BCAR1: variants seen among roughly 807,000 people sequenced by gnomAD.
BCAR1 encodes the protein breast cancer anti-estrogen resistance protein 1.
Under a neutral mutation model 67.6 loss-of-function variants are expected in BCAR1, and 30 were observed. The observed-to-expected ratio is 0.44, with a 90% CI of 0.33 to 0.60. BCAR1 has a LOEUF of 0.60. BCAR1 is among the 20% of genes least tolerant of loss of function. The pLI is 0.02. For missense variants in BCAR1, 1,313 were observed against 1,222.3 expected (o/e 1.07, Z -1.11); for synonymous variants, 626 against 556.7 (o/e 1.12, Z -1.75).
At chr16:75,243,452 C>A (rs1209832075) in intron 1 of BCAR1, 3 of 562,464 alleles carry the variant, frequency 5.3e-6, no homozygotes, top group Non-Finnish European at 6.9e-6. Flanking sequence ...ACAAAGCTGC[C>A]AAGTTAAAAC....
In BCAR1 at chr16:75,229,376, G is replaced by A; in HGVS notation, c.*135C>T. 3.1e-6 allele frequency: 4 copies of A among 1,295,786 alleles called. No individual in the cohort carries two copies. The highest frequency in any genetic ancestry group is 3.2e-5 in the South Asian group (2 of 63,186). The allele number at this position is 1,295,786 out of a possible 1,614,324, so 80.3% of individuals were successfully genotyped here. A position where few individuals can be genotyped will look rare whatever the true frequency, so the allele number is the denominator to read the frequency against. The stretch of plus-strand genomic sequence containing the variant: ...GGCCATAAATATATACAGATTCCTG[G>A]GCATCCAGGGCACCAGGACCGACGC... On this transcript the variant is annotated 3_prime_UTR_variant, in exon 7 of 7. Coordinates refer to ENST00000162330, the MANE Select transcript of BCAR1 (RefSeq NM_014567.5).
intron 4 of BCAR1, chr16:75,236,606 C>A (rs570119679): frequency 3.8e-6 from 2 of 519,796 alleles, no homozygotes; most frequent in South Asian, 4.6e-5. Flanking sequence ...TGGAAGTATC[C>A]CAGGTGAGAT....
Position 75,234,073 on chromosome 16 carries a change from GCA to G in BCAR1, c.2011-140_2011-139del, listed in dbSNP as rs542118792. The G allele has an allele frequency of 1.6e-3, 1,119 of 707,552 alleles. 3 individuals are homozygous for G. Among genetic ancestry groups the G allele is most frequent in the African/African-American group, 4.3e-3 (239 of 56,078 alleles). 43.8% of individuals were successfully genotyped at this position (707,552 alleles called of 1,614,324 possible). A position where few individuals can be genotyped will look rare whatever the true frequency, so the allele number is the denominator to read the frequency against. On this transcript the variant is annotated intron_variant, in intron 5 of 6. Coordinates refer to ENST00000162330, the MANE Select transcript of BCAR1 (RefSeq NM_014567.5). ...CGCGCACACACACGCACACGTGGAC[GCA>G]CACACACACTAGCACACGTGGACAC...
Position 75,229,630 on chromosome 16 carries a change from C to A in BCAR1, c.2494G>T (p.Ala832Ser), listed in dbSNP as rs2076821235. The A allele has an allele frequency of 2.5e-6, 4 of 1,612,654 alleles. No homozygotes were observed. In the South Asian group the frequency reaches 4.4e-5, roughly 18 times the overall value. Residue 832 changes from alanine (A) to serine (S), a missense_variant, in exon 7 of 7, where the codon GCC becomes TCC. By Grantham distance (99) the Ala-to-Ser change is moderately conservative (BLOSUM62 1). Around this residue, in one of 2 missense-constraint regions of BCAR1, gnomAD observed 1,272 missense variants for 1,137.5 expected, o/e 1.12. Coordinates refer to ENST00000162330, the MANE Select transcript of BCAR1 (RefSeq NM_014567.5). ...GGCGATGGGTACTGCAAGGCAGCGG[C>A]CTTGGTGGTGGCCACGATGCCGCGC... Reference protein sequence around the residue: ...LLRGIVATTKAAALQYPSPSA... With the variant: ...LLRGIVATTKSAALQYPSPSA...
Position 75,235,717 on chromosome 16 carries a change from C to A in BCAR1, c.1182G>T (p.Val394=). Residue 394 remains valine, a synonymous_variant, in exon 5 of 7, where the codon GTG becomes GTT. Coordinates refer to ENST00000162330, the MANE Select transcript of BCAR1 (RefSeq NM_014567.5). ...CACCATCAGCCACCTCAGGAGGAAGCACCCGTTCACGGGGCACATCGTACA... is the reference window on the plus strand; with the variant it reads ...CACCATCAGCCACCTCAGGAGGAAGAACCCGTTCACGGGGCACATCGTACA... ...GTLYDVPRER[V]LPPEVADGGV... 1 of 1,608,328 alleles carries A rather than the reference C, an allele frequency of 6.2e-7. No individual in the cohort carries two copies.
intron 1 of BCAR1, among the ~76,000 whole-genome samples, chr16:75,263,080 G>A (rs1302995719): frequency 6.6e-6 from 1 of 152,218 alleles, no homozygotes; most frequent in Non-Finnish European, 1.5e-5. Context: ...GGCCTGTGAG[G>A]TCCTGAGCCC....
At chr16:75,240,945 C>T (rs934870059) in intron 2 of BCAR1, among the ~76,000 whole-genome samples, 10 of 152,364 alleles carry the variant, frequency 6.6e-5, no homozygotes, top group South Asian at 2.1e-4. Flanking sequence ...CTGGGGGTCT[C>T]GCTGCTGCTC....
In BCAR1 at chr16:75,229,356, T is replaced by C. The variant is rs536015678; in HGVS notation, c.*155A>G. 4.3e-5 allele frequency: 53 copies of C among 1,219,734 alleles called. No individual in the cohort carries two copies. The highest frequency in any genetic ancestry group is 2.4e-4 in the East Asian group (9 of 37,794). The allele number at this position is 1,219,734 out of a possible 1,614,324, so 75.6% of individuals were successfully genotyped here. A position where few individuals can be genotyped will look rare whatever the true frequency, so the allele number is the denominator to read the frequency against. ...CATGGCCCCACACCCTGCCCGGCCA[T>C]AAATATATACAGATTCCTGGGCATC... On this transcript the variant is annotated 3_prime_UTR_variant, in exon 7 of 7. Coordinates refer to ENST00000162330, the MANE Select transcript of BCAR1 (RefSeq NM_014567.5).
chr16:75,252,819 A>T (rs1199999362), upstream of BCAR1, among the ~76,000 whole-genome samples: 7 of 152,284 alleles, frequency 4.6e-5, 1 homozygote, highest in South Asian at 8.3e-4. Context: ...CAGATGTGCC[A>T]CCTTGGCAGG....
chr16:75,229,369 A>T lies in BCAR1; in HGVS notation c.*142T>A. 1 of 1,280,296 alleles carries T rather than the reference A, an allele frequency of 7.8e-7. No homozygotes were observed. The highest frequency in any genetic ancestry group is 1.0e-6 in the Non-Finnish European group (1 of 961,212). The allele number at this position is 1,280,296 out of a possible 1,614,324, so 79.3% of individuals were successfully genotyped here. On this transcript the variant is annotated 3_prime_UTR_variant, in exon 7 of 7. Coordinates refer to ENST00000162330, the MANE Select transcript of BCAR1 (RefSeq NM_014567.5). Reference sequence around the variant, plus strand: ...CCTGCCCGGCCATAAATATATACAGATTCCTGGGCATCCAGGGCACCAGGA... The same window carrying T: ...CCTGCCCGGCCATAAATATATACAGTTTCCTGGGCATCCAGGGCACCAGGA...
chr16:75,230,650 T>C (rs2076871650), intron 6 of BCAR1, among the ~76,000 whole-genome samples: 1 of 152,184 alleles, frequency 6.6e-6, no homozygotes, highest in Non-Finnish European at 1.5e-5. Context: ...GGGGACAATG[T>C]GTCCTCACTA....
rs923927024 is a variant in BCAR1 at position 75,229,695 on chromosome 16, C to T, written c.2429G>A (p.Ser810Asn). 2.5e-5 allele frequency: 40 copies of T among 1,612,748 alleles called. No homozygotes were observed. Among genetic ancestry groups the T allele is most frequent in the Non-Finnish European group, 3.1e-5 (36 of 1,179,894 alleles). ...SRQAKAADVR[S>N]QVTHYSNLLC... ...CAGGTTGCTGTAGTGGGTCACCTGG[C>T]TGCGCACGTCAGCAGCCTTGGCCTG... The change falls in exon 7 of 7, where the codon AGC becomes AAC. Residue 810 changes from serine to asparagine, a missense_variant. Physicochemically the swap from Ser to Asn is conservative, Grantham distance 46. Coordinates refer to ENST00000162330, the MANE Select transcript of BCAR1 (RefSeq NM_014567.5).
chr16:75,243,386 C>T, intron 1 of BCAR1: 5 of 611,452 alleles, frequency 8.2e-6, no homozygotes, highest in South Asian at 7.6e-5. Context: ...CCTAAAAGCC[C>T]CACCCAAGGC....
intron 1 of BCAR1, among the ~76,000 whole-genome samples, chr16:75,243,742 C>T (rs1357463038): frequency 2.6e-5 from 4 of 152,190 alleles, no homozygotes; most frequent in African/African-American, 7.2e-5. Flanking sequence ...CCAAGCAGTC[C>T]GAGAGGGACT....
At chr16:75,243,888 G>A (rs554278505) in intron 1 of BCAR1, among the ~76,000 whole-genome samples, 1 of 152,370 alleles carries the variant, frequency 6.6e-6, no homozygotes, top group Non-Finnish European at 1.5e-5. Flanking sequence ...CCCTGCCGCT[G>A]CTGCCCCATC....
upstream of BCAR1, among the ~76,000 whole-genome samples, chr16:75,255,330 G>C (rs1182807304): frequency 1.3e-5 from 2 of 152,140 alleles, no homozygotes; most frequent in African/African-American, 4.8e-5. Context: ...TGAGGCCGGA[G>C]GTGAGCACTG....
intron 1 of BCAR1, chr16:75,246,025 G>A (rs555198679): frequency 2.5e-5 from 3 of 118,462 alleles, no homozygotes; most frequent in African/African-American, 9.6e-5. Flanking sequence ...GCCCAGTAGC[G>A]CGATCATGGC....
chr16:75,237,114 C>A (rs941060477), intron 3 of BCAR1, 69 bp downstream of exon 3: 1 of 1,500,414 alleles, frequency 6.7e-7, no homozygotes, highest in Middle Eastern at 2.0e-4. Flanking sequence ...ATGCAGCTCT[C>A]GGCCCAGGGC....
intron 1 of BCAR1, chr16:75,265,820 C>T: frequency 1.7e-6 from 2 of 1,196,022 alleles, no homozygotes; most frequent in Non-Finnish European, 1.0e-6. Context: ...CGGCGCGGTA[C>T]TCACAGGCAC....
Sources: allele counts gnomAD v4.1 joint callset (sites outside exome capture counted in the v4.1 genomes callset), GRCh38; gene constraint gnomAD v4.1.1; regional missense constraint gnomAD v4.1.1; transcripts MANE v1.5; gene names NCBI Gene and HGNC (gene_info 2026-07-23, HGNC 2026-07-21).